The following SYT1 variants were observed in gnomAD, a reference collection of about 807,000 sequenced individuals.
SYT1 encodes synaptotagmin-1.
In SYT1, 8 loss-of-function variants were observed where a neutral mutation model predicts 44.8. That is an observed-to-expected ratio of 0.18 (90% confidence interval 0.10 to 0.32). The LOEUF is 0.32. Ranked by LOEUF, SYT1 falls within the 10% of genes least tolerant of loss-of-function variation. The probability of loss-of-function intolerance (pLI) is 1.00; values close to 1 mark genes in which losing one functional copy is unlikely to be tolerated. For missense variants in SYT1, 286 were observed against 509.3 expected (o/e 0.56, Z 4.22); for synonymous variants, 154 against 188.8 (o/e 0.82, Z 1.51).
At chr12:79,398,653 T>C (rs1293901207) in intron 9 of SYT1, among the ~76,000 whole-genome samples, 1 of 152,214 alleles carries the variant, frequency 6.6e-6, no homozygotes, top group Admixed American at 6.5e-5. Context: ...TGTTAACTTA[T>C]ACAAATCAAC....
intron 3 of SYT1, among the ~76,000 whole-genome samples, chr12:79,174,058 C>T (rs1353901518): frequency 1.3e-5 from 2 of 151,874 alleles, no homozygotes; most frequent in African/African-American, 2.4e-5. Flanking sequence ...AGAAGACAGA[C>T]GTCTATAATG....
At chr12:78,867,140 G>A (rs564589271) in intron 1 of SYT1, among the ~76,000 whole-genome samples, 2 of 151,886 alleles carry the variant, frequency 1.3e-5, no homozygotes, top group East Asian at 1.9e-4. Flanking sequence ...AGGACAAAGG[G>A]ACAATCACTT....
chr12:79,347,516 T>TCC (rs1437505749), intron 8 of SYT1, among the ~76,000 whole-genome samples: 27 of 152,146 alleles, frequency 1.8e-4, no homozygotes, highest in Admixed American at 6.5e-5. Context: ...TAATCCTGAT[T>TCC]CCCTCACTCC....
intron 2 of SYT1, among the ~76,000 whole-genome samples, chr12:79,013,522 T>C (rs1592661680): frequency 6.6e-6 from 1 of 152,194 alleles, no homozygotes; most frequent in Non-Finnish European, 1.5e-5. Flanking sequence ...CACCCATTTG[T>C]ATAAGCGGTA....
chr12:79,410,506 C>CAAAAAAA (rs5799432), intron 9 of SYT1, among the ~76,000 whole-genome samples: 186 of 75,866 alleles, frequency 2.5e-3, no homozygotes, highest in African/African-American at 2.5e-3. Flanking sequence ...TGTTCAAAGT[C>CAAAAAAA]AAAAAAAAAA....
At chr12:79,171,234 CA>C (rs1483541131) in intron 3 of SYT1, among the ~76,000 whole-genome samples, 4 of 151,974 alleles carry the variant, frequency 2.6e-5, no homozygotes, top group African/African-American at 9.7e-5. Flanking sequence ...TAAAGAATGT[CA>C]AGAGTAGTTT....
chr12:79,252,319 G>A (rs1381265369), intron 4 of SYT1, among the ~76,000 whole-genome samples: 1 of 151,984 alleles, frequency 6.6e-6, no homozygotes, highest in Non-Finnish European at 1.5e-5. Context: ...TAATTTTAAG[G>A]ATTATTATCA....
rs1319450498 is a variant in SYT1, at chr12:79,204,183, T to C, written c.-17-13320T>C. ...GTGAGCATTATATGAGCTTAGATGT[T>C]TAAAGCACTTATAATAATGTCTAGG... On this transcript the variant is annotated intron_variant, in intron 3 of 10. Coordinates refer to ENST00000261205, the MANE Select transcript of SYT1 (RefSeq NM_005639.3). 2.0e-5 allele frequency among the ~76,000 whole-genome samples: 3 copies of C among 152,246 alleles called. No homozygotes were observed. The East Asian group carries it at 5.8e-4, about 29-fold the overall frequency.
At chr12:79,397,330 A>C (rs1306893830) in intron 9 of SYT1, among the ~76,000 whole-genome samples, 1 of 152,110 alleles carries the variant, frequency 6.6e-6, no homozygotes, top group Non-Finnish European at 1.5e-5. Flanking sequence ...CCTGGGCTTA[A>C]GCAGTCCTCC....
intron 3 of SYT1, among the ~76,000 whole-genome samples, chr12:79,100,317 T>C (rs1202487883): frequency 1.3e-5 from 2 of 152,132 alleles, no homozygotes; most frequent in African/African-American, 4.8e-5. Flanking sequence ...ACTCATGCAA[T>C]CTAGCTCCCA....
chr12:79,008,137 A>C (rs1210635893), intron 2 of SYT1, among the ~76,000 whole-genome samples: 1 of 152,094 alleles, frequency 6.6e-6, no homozygotes, highest in Non-Finnish European at 1.5e-5. Context: ...TTTGTATAGC[A>C]TGGTCAGAGA....
intron 3 of SYT1, among the ~76,000 whole-genome samples, chr12:79,184,254 GA>G (rs1165520123): frequency 4.0e-5 from 6 of 151,798 alleles, no homozygotes; most frequent in African/African-American, 1.5e-4. Flanking sequence ...TTTAAATGCT[GA>G]AAAAAACATA....
chr12:79,004,162 TAC>T (rs1240059012), intron 2 of SYT1, among the ~76,000 whole-genome samples: 5 of 152,000 alleles, frequency 3.3e-5, no homozygotes, highest in Non-Finnish European at 7.4e-5. Flanking sequence ...TTATTCGATT[TAC>T]AGTTATTAGT....
At chr12:79,177,057 T>TG (rs915399694) in intron 3 of SYT1, among the ~76,000 whole-genome samples, 5 of 149,106 alleles carry the variant, frequency 3.4e-5, no homozygotes, top group Admixed American at 6.7e-5. Context: ...ATGTTTTTTT[T>TG]TATTATACTC....
At chr12:79,119,452 C>T (rs1169026483) in intron 3 of SYT1, among the ~76,000 whole-genome samples, 2 of 152,060 alleles carry the variant, frequency 1.3e-5, no homozygotes, top group Non-Finnish European at 2.9e-5. Context: ...AGACACACAA[C>T]TCCTTACATA....
intron 2 of SYT1, among the ~76,000 whole-genome samples, chr12:79,013,366 C>T (rs545930337): frequency 1.3e-5 from 2 of 152,158 alleles, no homozygotes; most frequent in African/African-American, 4.8e-5. Context: ...TGAGTGGGTT[C>T]ATCAAATAAT....
intron 3 of SYT1, among the ~76,000 whole-genome samples, chr12:79,071,016 C>T (rs1219589956): frequency 6.6e-6 from 1 of 152,070 alleles, no homozygotes; most frequent in Non-Finnish European, 1.5e-5. Context: ...CCTCGGTTCC[C>T]CTCTAAACAC....
intron 4 of SYT1, among the ~76,000 whole-genome samples, chr12:79,232,360 C>T (rs538373941): frequency 1.3e-5 from 2 of 152,316 alleles, no homozygotes; most frequent in East Asian, 1.9e-4. Flanking sequence ...AGCGATGGCT[C>T]TTTATGATAT....
intron 3 of SYT1, among the ~76,000 whole-genome samples, chr12:79,152,840 T>G (rs1296990261): frequency 6.7e-6 from 1 of 149,484 alleles, no homozygotes; most frequent in Non-Finnish European, 1.5e-5. Flanking sequence ...TGGAAACTAA[T>G]TAACTGATGA....
Sources: gnomAD v4.1 joint callset for allele counts (sites outside exome capture counted in the v4.1 genomes callset) on GRCh38, gnomAD v4.1.1 for gene constraint, MANE v1.5 for transcripts, NCBI Gene and HGNC (gene_info 2026-07-23, HGNC 2026-07-21) for gene names.